CCDC30: variants seen among roughly 807,000 people sequenced by gnomAD.
CCDC30 encodes coiled-coil domain-containing protein 30.
A neutral mutation model predicts 100.2 loss-of-function variants in CCDC30; 70 were observed. The ratio of observed to expected loss-of-function variants is 0.70; its 90% CI spans 0.58 to 0.85. The LOEUF (loss-of-function observed/expected upper bound fraction) is 0.85. CCDC30 is among the 40% of genes least tolerant of loss of function. CCDC30 has a pLI of 0.00. For synonymous variants in CCDC30, 233 were observed against 269.5 expected (o/e 0.86, Z 1.33); for missense variants, 652 against 771.2 (o/e 0.85, Z 1.83).
At chr1:42,589,642 A>G in intron 10 of CCDC30, 159 bp downstream of exon 14, 1 of 616,142 alleles carries the variant, frequency 1.6e-6, no homozygotes, top group Non-Finnish European at 2.8e-6. Context: ...GAAGAGATTT[A>G]ACACAGGGAA....
intron 11 of CCDC30, among the ~76,000 whole-genome samples, chr1:42,617,642 G>A (rs1271202271): frequency 6.6e-6 from 1 of 152,162 alleles, no homozygotes; most frequent in Non-Finnish European, 1.5e-5. Flanking sequence ...TGATCAGGTC[G>A]AAGACTAAAT....
chr1:42,500,617 G>A (rs1262704769), intron 6 of CCDC30, among the ~76,000 whole-genome samples: 1 of 152,104 alleles, frequency 6.6e-6, no homozygotes, highest in African/African-American at 2.4e-5. Flanking sequence ...GTTTCACCGT[G>A]TTAGCCAGGA....
At chr1:42,610,871 G>A (rs1646606207) in intron 10 of CCDC30, 107 bp from the exon 15 acceptor site, 2 of 581,344 alleles carry the variant, frequency 3.4e-6, no homozygotes, top group Non-Finnish European at 6.0e-6. Context: ...TCAGAAGCAG[G>A]AGTGACTATA....
rs753010804 is a variant in CCDC30, at chr1:42,646,188, T to G, written c.1725T>G (p.Ser575=). ...GGTGGCATAGAGGCAAGCTGGCTTC[T>G]CTCCCTCCAACAAAGAAACAGAAAG... Residue 575 remains serine, a synonymous_variant, in exon 15 of 17, where the codon TCT becomes TCG. Coordinates refer to ENST00000668663, the Ensembl canonical transcript of CCDC30. 3.1e-6 allele frequency: 5 copies of G among 1,599,402 alleles called. No individual in the cohort carries two copies. The South Asian group carries it at 5.6e-5, about 18-fold the overall frequency.
intron 6 of CCDC30, among the ~76,000 whole-genome samples, chr1:42,555,225 C>T (rs530926045): frequency 5.3e-5 from 8 of 152,280 alleles, no homozygotes; most frequent in African/African-American, 1.2e-4. Flanking sequence ...TCTTTTGCTT[C>T]GGGGTTTTAC....
chr1:42,536,529 A>C, intron 6 of CCDC30: 1 of 793,710 alleles, frequency 1.3e-6, no homozygotes, highest in South Asian at 2.9e-5. Flanking sequence ...AGTGGTCAAA[A>C]GAGAGAGAGA....
intron 7 of CCDC30, among the ~76,000 whole-genome samples, chr1:42,575,419 G>A (rs1047701027): frequency 6.6e-6 from 1 of 152,018 alleles, no homozygotes. Flanking sequence ...GGAGGCCGAG[G>A]CGGGCAGATC....
chr1:42,653,945 A>G, exon 17 of CCDC30: 3 of 1,614,028 alleles, frequency 1.9e-6, no homozygotes, highest in Non-Finnish European at 2.5e-6. Context: ...GTGTTCACAG[A>G]ATTCTGAGGC....
At chr1:42,613,671 G>T (rs1646670225) in intron 11 of CCDC30, among the ~76,000 whole-genome samples, 1 of 152,108 alleles carries the variant, frequency 6.6e-6, no homozygotes, top group Admixed American at 6.6e-5. Context: ...AACTGTCATG[G>T]CGCTGATGGA....
intron 11 of CCDC30, among the ~76,000 whole-genome samples, chr1:42,615,694 G>A (rs1646714579): frequency 6.6e-6 from 1 of 152,142 alleles, no homozygotes; most frequent in South Asian, 2.1e-4. Flanking sequence ...ATCTAATGCT[G>A]TGTGACTTTT....
At chr1:42,629,330 A>T (rs934970010) in intron 11 of CCDC30, among the ~76,000 whole-genome samples, 4 of 152,190 alleles carry the variant, frequency 2.6e-5, no homozygotes, top group Non-Finnish European at 5.9e-5. Flanking sequence ...TTCCTTCAGC[A>T]CTTTAAATAT....
At chr1:42,627,253 C>G (rs1646951260) in intron 11 of CCDC30, among the ~76,000 whole-genome samples, 1 of 152,138 alleles carries the variant, frequency 6.6e-6, no homozygotes, top group African/African-American at 2.4e-5. Flanking sequence ...ATTTGTGGAA[C>G]TTTGAACTTG....
At chr1:42,480,620 T>G in intron 2 of CCDC30, 54 bp downstream of exon 2, 1 of 985,222 alleles carries the variant, frequency 1.0e-6, no homozygotes, top group Non-Finnish European at 1.2e-6. Context: ...GACTGATTTA[T>G]GTACGTTTCA....
intron 11 of CCDC30, among the ~76,000 whole-genome samples, chr1:42,616,415 C>A (rs1388169487): frequency 6.6e-6 from 1 of 152,240 alleles, no homozygotes; most frequent in East Asian, 1.9e-4. Flanking sequence ...AATGTGCATC[C>A]GAGGTTGAAA....
intron 6 of CCDC30, among the ~76,000 whole-genome samples, chr1:42,546,573 G>T (rs1475286460): frequency 1.3e-5 from 2 of 150,682 alleles, no homozygotes; most frequent in East Asian, 2.0e-4. Context: ...ATCCTAATTT[G>T]TCTTTCTTTT....
At chr1:42,547,316 AG>A (rs1645164599) in intron 6 of CCDC30, among the ~76,000 whole-genome samples, 1 of 152,212 alleles carries the variant, frequency 6.6e-6, no homozygotes, top group Non-Finnish European at 1.5e-5. Context: ...TCTCTTTATT[AG>A]ATAAAATGGA....
Position 42,486,853 on chromosome 1 carries a change from A to C in CCDC30, c.170-3305A>C, listed in dbSNP as rs527879824. The stretch of plus-strand genomic sequence containing the variant: ...GCCAGTAAAAAGGAAGGAAGTACTT[A>C]CACCTGCTACATGGATGAATCTCAA... On this transcript the variant is annotated intron_variant, in intron 3 of 16. Coordinates refer to ENST00000668663, the Ensembl canonical transcript of CCDC30. 2.0e-5 allele frequency among the ~76,000 whole-genome samples: 3 copies of C among 152,342 alleles called. No homozygotes were observed. The East Asian group carries it at 5.8e-4, about 29-fold the overall frequency.
At chr1:42,650,669 C>T (rs561370005) in intron 15 of CCDC30, among the ~76,000 whole-genome samples, 6 of 151,942 alleles carry the variant, frequency 3.9e-5, no homozygotes, top group South Asian at 2.1e-4. Context: ...TTTTCTGCTG[C>T]CCAGGCTGGA....
rs912609841 is a variant in CCDC30, at chr1:42,500,324, C to T, written c.456+1408C>T. 6.8e-6 allele frequency: 11 copies of T among 1,608,140 alleles called. No individual in the cohort carries two copies. The African/African-American group carries it at 1.1e-4, about 16-fold the overall frequency. ...TCGAATTTCTCCATCTCAGCCATAT[C>T]GGGTTTGTCAGACATAGTTGCCGAG... On this transcript the variant is annotated intron_variant, in intron 6 of 16. Coordinates refer to ENST00000668663, the Ensembl canonical transcript of CCDC30.
Sources: allele counts gnomAD v4.1 joint callset (sites outside exome capture counted in the v4.1 genomes callset), GRCh38; gene constraint gnomAD v4.1.1; transcripts MANE v1.5; gene names NCBI Gene and HGNC (gene_info 2026-07-23, HGNC 2026-07-21).